MINDY4: variants seen among roughly 807,000 people sequenced by gnomAD.
MINDY4 encodes the protein MINDY lysine 48 deubiquitinase 4, also known as probable ubiquitin carboxyl-terminal hydrolase MINDY-4.
A neutral mutation model predicts 87.0 loss-of-function variants in MINDY4; 68 were observed. That is an observed-to-expected ratio of 0.78 (90% CI 0.64 to 0.96). The LOEUF is 0.96. MINDY4 is among the 40% of genes least tolerant of loss of function. The pLI is 0.00. For missense variants in MINDY4, 919 were observed against 928.2 expected (o/e 0.99, Z 0.13); for synonymous variants, 379 against 363.2 (o/e 1.04, Z -0.50).
At chr7:30,848,981 TCTC>T (rs1789314553) in intron 9 of MINDY4, among the ~76,000 whole-genome samples, 1 of 152,158 alleles carries the variant, frequency 6.6e-6, no homozygotes, top group Non-Finnish European at 1.5e-5. Context: ...CTTACAAACA[TCTC>T]CTTTAAAGCC....
intron 13 of MINDY4, among the ~76,000 whole-genome samples, chr7:30,867,544 G>C (rs79772823): frequency 0.033 from 4,984 of 152,290 alleles, 106 homozygotes; most frequent in Middle Eastern, 0.088. Context: ...GGAAATAACT[G>C]ATAAGTGGCA....
chr7:30,796,324 T>C (rs1787488375), intron 5 of MINDY4, among the ~76,000 whole-genome samples: 1 of 151,982 alleles, frequency 6.6e-6, no homozygotes, highest in Non-Finnish European at 1.5e-5. Context: ...GCAGCAGGCT[T>C]AGGTGAGGGG....
chr7:30,853,222 C>T (rs1226820287), intron 11 of MINDY4, among the ~76,000 whole-genome samples, 172 bp from the exon 12 acceptor site: 1 of 152,248 alleles, frequency 6.6e-6, no homozygotes, highest in Non-Finnish European at 1.5e-5. Flanking sequence ...CTTTCACTCA[C>T]ATACAGGTAT....
chr7:30,880,884 G>A (rs1056399318), intron 15 of MINDY4, among the ~76,000 whole-genome samples: 1 of 152,164 alleles, frequency 6.6e-6, no homozygotes, highest in African/African-American at 2.4e-5. Context: ...AGCTTTAAAT[G>A]TGCAGGAATT....
Position 30,791,322 on chromosome 7 carries a change from A to G in MINDY4, c.821A>G (p.Gln274Arg), listed in dbSNP as rs1384099099. 6.2e-7 allele frequency: 1 copy of G among 1,614,202 alleles called. No individual in the cohort carries two copies. ...NSSPSRTSLG[Q>R]LSELTVERQK... The stretch of plus-strand genomic sequence containing the variant: ...TCCCCCTCCAGGACCTCCCTGGGTC[A>G]GCTTAGTGAACTGACCGTAGAAAGG... The change falls in exon 5 of 18, where the codon CAG becomes CGG. Residue 274 changes from glutamine (Q) to arginine (R), a missense_variant. Coordinates refer to ENST00000265299, the MANE Select transcript of MINDY4 (RefSeq NM_032222.3).
intron 9 of MINDY4, among the ~76,000 whole-genome samples, chr7:30,845,092 G>A (rs902533191): frequency 9.2e-5 from 14 of 152,314 alleles, no homozygotes; most frequent in African/African-American, 3.4e-4. Flanking sequence ...CCCTGCAAGA[G>A]GCATGGAGCA....
At chr7:30,804,766 A>G (rs1220016062) in intron 5 of MINDY4, among the ~76,000 whole-genome samples, 1 of 152,240 alleles carries the variant, frequency 6.6e-6, no homozygotes. Context: ...GAGTTCATGC[A>G]GGTTTTCTGG....
Position 30,789,398 on chromosome 7 carries a change from C to G in MINDY4, c.664-1767C>G, listed in dbSNP as rs929960405. On this transcript the variant is annotated intron_variant, in intron 4 of 17. Transcript: ENST00000265299. ...GGTTGCTATAGAATTTCGCCAGATT[C>G]TCTAGAAGGGACATTGTGGCCTTTG... Among the ~76,000 whole-genome samples, 22 of 152,206 alleles carry G rather than the reference C, an allele frequency of 1.4e-4. 1 individual carries two copies. Among genetic ancestry groups the G allele is most frequent in the African/African-American group, 5.3e-4 (22 of 41,454 alleles).
At chr7:30,778,363 C>T in intron 1 of MINDY4, 69 bp from the exon 2 acceptor site, 1 of 1,603,270 alleles carries the variant, frequency 6.2e-7, no homozygotes, top group Admixed American at 1.7e-5. Flanking sequence ...GAATCGTTTG[C>T]TTGTGCTTTA....
At chr7:30,879,885 C>T (rs1424008054) in intron 15 of MINDY4, among the ~76,000 whole-genome samples, 1 of 152,150 alleles carries the variant, frequency 6.6e-6, no homozygotes, top group Non-Finnish European at 1.5e-5. Context: ...TGCATTGTTA[C>T]AGTTGATGGT....
intron 1 of MINDY4, among the ~76,000 whole-genome samples, chr7:30,774,945 A>C (rs370187246): frequency 6.6e-6 from 1 of 152,044 alleles, no homozygotes; most frequent in African/African-American, 2.4e-5. Flanking sequence ...CCAAATGTCT[A>C]TCTCTAGCTG....
intron 5 of MINDY4, among the ~76,000 whole-genome samples, chr7:30,812,448 C>G (rs1195475726): frequency 6.6e-6 from 1 of 152,000 alleles, no homozygotes; most frequent in African/African-American, 2.4e-5. Flanking sequence ...ATGGAATAGA[C>G]AGGAAAAATG....
chr7:30,849,646 T>G (rs1789336141), intron 9 of MINDY4, among the ~76,000 whole-genome samples: 1 of 152,186 alleles, frequency 6.6e-6, no homozygotes. Flanking sequence ...CTCCGCTGAT[T>G]CCTTAGAGTT....
chr7:30,779,412 A>G (rs1786933004), intron 2 of MINDY4: 1 of 152,254 alleles, frequency 6.6e-6, no homozygotes, highest in East Asian at 1.9e-4. Context: ...CAGAAAAAGA[A>G]TGGGCTGTCC....
chr7:30,776,998 C>CCT (rs1554276891), intron 1 of MINDY4, among the ~76,000 whole-genome samples: 3 of 151,296 alleles, frequency 2.0e-5, no homozygotes, highest in South Asian at 2.1e-4. Context: ...TTTCTTCTTT[C>CCT]TTTCTTTTTC....
intron 10 of MINDY4, 104 bp downstream of exon 10, chr7:30,850,659 C>G: frequency 9.9e-7 from 1 of 1,013,838 alleles, no homozygotes; most frequent in Non-Finnish European, 1.5e-6. Flanking sequence ...CGTTACCCAC[C>G]CTGTGCCACA....
chr7:30,834,723 G>A (rs745746260), intron 6 of MINDY4, among the ~76,000 whole-genome samples: 1 of 152,140 alleles, frequency 6.6e-6, no homozygotes, highest in Admixed American at 6.5e-5. Context: ...GCCTTTAACA[G>A]CACTCAAGTC....
At chr7:30,883,991 T>G (rs1346009727) in intron 17 of MINDY4, among the ~76,000 whole-genome samples, 1 of 152,120 alleles carries the variant, frequency 6.6e-6, no homozygotes, top group Non-Finnish European at 1.5e-5. Context: ...TACTAAGTGC[T>G]CCATGGTGTT....
At chr7:30,883,098 A>G (rs376520188) in intron 17 of MINDY4, 105 bp downstream of exon 17, 1 of 1,047,790 alleles carries the variant, frequency 9.5e-7, no homozygotes, top group East Asian at 2.4e-5. Flanking sequence ...TTCCTGGACC[A>G]CCCTGATTCA....
Sources: allele counts gnomAD v4.1 joint callset (sites outside exome capture counted in the v4.1 genomes callset), GRCh38; gene constraint gnomAD v4.1.1; transcripts MANE v1.5; gene names NCBI Gene and HGNC (gene_info 2026-07-23, HGNC 2026-07-21).